EXOC6B: variants seen among roughly 807,000 people sequenced by gnomAD.
The protein encoded by EXOC6B is SEC15 homolog B.
Under a neutral mutation model 113.5 loss-of-function variants are expected in EXOC6B, and 54 were observed. That is an observed-to-expected ratio of 0.48 (90% confidence interval 0.38 to 0.60). EXOC6B has a LOEUF of 0.60. Among genes scored for constraint, EXOC6B ranks in the 20% least tolerant of loss-of-function variants. EXOC6B has a pLI of 0.00. For missense variants in EXOC6B, 797 were observed against 977.5 expected, an observed-to-expected ratio of 0.82 and a Z score of 2.46; for synonymous variants, 357 against 339.0, an observed-to-expected ratio of 1.05 and a Z score of -0.58.
intron 6 of EXOC6B, among the ~76,000 whole-genome samples, chr2:72,693,718 A>G: frequency 6.6e-6 from 1 of 152,200 alleles, no homozygotes; most frequent in Non-Finnish European, 1.5e-5. Context: ...TTTAGTACCC[A>G]TGCTACATTT....
At chr2:72,755,841 C>G (rs1682379473) in intron 1 of EXOC6B, among the ~76,000 whole-genome samples, 8 of 152,192 alleles carry the variant, frequency 5.3e-5, no homozygotes, top group Admixed American at 5.2e-4. Context: ...AGGGTGACAG[C>G]AGTCCCTACG....
At chr2:72,824,609 A>G (rs1336291282) in intron 1 of EXOC6B, among the ~76,000 whole-genome samples, 1 of 152,156 alleles carries the variant, frequency 6.6e-6, no homozygotes, top group African/African-American at 2.4e-5. Context: ...ACTTACCCCA[A>G]GAAAACGCAA....
At chr2:72,786,574 A>C (rs1411957699) in intron 1 of EXOC6B, among the ~76,000 whole-genome samples, 1 of 152,220 alleles carries the variant, frequency 6.6e-6, no homozygotes, top group Non-Finnish European at 1.5e-5. Flanking sequence ...AACTGCCTTC[A>C]TTGAAGAAGT....
At chr2:72,533,563 T>A (rs930508560) in intron 8 of EXOC6B, among the ~76,000 whole-genome samples, 1 of 152,208 alleles carries the variant, frequency 6.6e-6, no homozygotes, top group African/African-American at 2.4e-5. Flanking sequence ...CACTACCCAG[T>A]CATTTTTCTA....
intron 20 of EXOC6B, among the ~76,000 whole-genome samples, chr2:72,272,417 G>A (rs1337977997): frequency 1.3e-5 from 2 of 152,090 alleles, no homozygotes; most frequent in Non-Finnish European, 2.9e-5. Context: ...ACTGGCACAA[G>A]TTAAACTGCA....
At chr2:72,559,368 A>G in intron 8 of EXOC6B, 85 bp downstream of exon 8, 1 of 937,422 alleles carries the variant, frequency 1.1e-6, no homozygotes, top group Non-Finnish European at 1.5e-6. Flanking sequence ...TCTTAATAAT[A>G]AACAGAAAAA....
intron 20 of EXOC6B, among the ~76,000 whole-genome samples, chr2:72,272,316 T>G (rs1411060776): frequency 2.6e-5 from 4 of 152,182 alleles, no homozygotes; most frequent in African/African-American, 9.7e-5. Context: ...GGGAAAATAA[T>G]CCAGTATGCA....
chr2:72,559,845 C>T (rs1183788572), intron 7 of EXOC6B, among the ~76,000 whole-genome samples: 2 of 152,186 alleles, frequency 1.3e-5, no homozygotes, highest in East Asian at 3.9e-4. Context: ...AAAATAAGAA[C>T]AATGTGAGAA....
At chr2:72,749,325 A>C (rs368887898) in intron 1 of EXOC6B, among the ~76,000 whole-genome samples, 1 of 152,070 alleles carries the variant, frequency 6.6e-6, no homozygotes, top group Non-Finnish European at 1.5e-5. Flanking sequence ...TAAGTTTAAC[A>C]CTTAAACATG....
chr2:72,692,125 G>A (rs1677530817), intron 6 of EXOC6B, among the ~76,000 whole-genome samples: 1 of 151,860 alleles, frequency 6.6e-6, no homozygotes, highest in Admixed American at 6.6e-5. Flanking sequence ...CATAGAATAA[G>A]TTAATGAGGT....
At chr2:72,325,654 C>T (rs1204014113) in intron 20 of EXOC6B, among the ~76,000 whole-genome samples, 2 of 151,858 alleles carry the variant, frequency 1.3e-5, no homozygotes, top group Non-Finnish European at 2.9e-5. Context: ...CACAAACTCT[C>T]GAGGGAAGAA....
chr2:72,727,583 T>C (rs1375088889), intron 5 of EXOC6B, among the ~76,000 whole-genome samples: 4 of 152,172 alleles, frequency 2.6e-5, no homozygotes, highest in Admixed American at 6.5e-5. Context: ...TCAAAGCTAA[T>C]GTCCATTCTC....
chr2:72,662,752 T>C (rs1041505699), intron 6 of EXOC6B, among the ~76,000 whole-genome samples: 4 of 152,180 alleles, frequency 2.6e-5, no homozygotes, highest in Non-Finnish European at 4.4e-5. Context: ...TTAGCCTTTT[T>C]TTTTTTGAGA....
intron 5 of EXOC6B, among the ~76,000 whole-genome samples, chr2:72,722,632 A>G (rs1680081031): frequency 6.6e-6 from 1 of 152,208 alleles, no homozygotes; most frequent in African/African-American, 2.4e-5. Flanking sequence ...AGGCTCAAAA[A>G]CAATACAATT....
At chr2:72,696,227 T>C (rs956015349) in intron 6 of EXOC6B, among the ~76,000 whole-genome samples, 12 of 152,208 alleles carry the variant, frequency 7.9e-5, no homozygotes, top group Non-Finnish European at 8.8e-5. Context: ...TTGCAGATTA[T>C]AGGTGCTCAG....
At chr2:72,561,507 A>G (rs1453235894) in intron 7 of EXOC6B, among the ~76,000 whole-genome samples, 1 of 152,128 alleles carries the variant, frequency 6.6e-6, no homozygotes, top group Admixed American at 6.5e-5. Flanking sequence ...TCTCAGAACC[A>G]TAGTTTCACT....
intron 6 of EXOC6B, among the ~76,000 whole-genome samples, chr2:72,700,077 C>A (rs946493941): frequency 6.6e-6 from 1 of 152,082 alleles, no homozygotes; most frequent in Non-Finnish European, 1.5e-5. Flanking sequence ...AAAAACTATG[C>A]AAATAGTTGT....
intron 1 of EXOC6B, among the ~76,000 whole-genome samples, chr2:72,755,145 G>T (rs894608202): frequency 6.6e-6 from 1 of 152,044 alleles, no homozygotes; most frequent in African/African-American, 2.4e-5. Context: ...GGTTTGAGGT[G>T]AATTTCACCA....
At chr2:72,803,854 C>T (rs1171527219) in intron 1 of EXOC6B, among the ~76,000 whole-genome samples, 2 of 152,186 alleles carry the variant, frequency 1.3e-5, no homozygotes, top group Admixed American at 6.5e-5. Context: ...CTATAAATGG[C>T]ACAACCTTAG....
Sources: allele counts gnomAD v4.1 joint callset (sites outside exome capture counted in the v4.1 genomes callset), GRCh38; gene constraint gnomAD v4.1.1; transcripts MANE v1.5; gene names NCBI Gene and HGNC (gene_info 2026-07-23, HGNC 2026-07-21).